USH2A: variants seen among roughly 807,000 people sequenced by gnomAD.
USH2A encodes the protein usherin.
Under a neutral mutation model 538.9 loss-of-function variants are expected in USH2A, and 443 were observed. The ratio of observed to expected loss-of-function variants is 0.82; its 90% CI spans 0.76 to 0.89. USH2A has a LOEUF of 0.89. Among genes scored for constraint, USH2A ranks in the 40% least tolerant of loss-of-function variants. USH2A has a pLI of 0.00. For synonymous variants in USH2A, 2,413 were observed against 2,273.5 expected (o/e 1.06, Z -1.75); for missense variants, 6,633 against 6,324.8 (o/e 1.05, Z -1.65).
chr1:216,393,180 G>T (rs780780787), intron 3 of USH2A, among the ~76,000 whole-genome samples: 6 of 152,134 alleles, frequency 3.9e-5, no homozygotes, highest in Non-Finnish European at 1.5e-5. Context: ...TTTTACACAT[G>T]ATCTTCCATG....
intron 15 of USH2A, among the ~76,000 whole-genome samples, chr1:216,215,693 C>A (rs1045491369): frequency 1.1e-4 from 16 of 152,098 alleles, no homozygotes; most frequent in Middle Eastern, 3.4e-3. Context: ...CAGCAACAAC[C>A]ACAAGAGTTG....
chr1:216,321,846 T>G, intron 9 of USH2A, 37 bp downstream of exon 9: 2 of 1,557,730 alleles, frequency 1.3e-6, no homozygotes, highest in Non-Finnish European at 1.8e-6. Context: ...TCTCTACTAT[T>G]TTTTTTTTAG....
chr1:215,934,530 C>G, intron 38 of USH2A, 86 bp downstream of exon 38: 3 of 1,376,052 alleles, frequency 2.2e-6, no homozygotes, highest in Non-Finnish European at 2.0e-6. Context: ...AATAAAATAC[C>G]TCTAAAAATA....
At chr1:215,920,916 C>T (rs1051315945) in intron 38 of USH2A, among the ~76,000 whole-genome samples, 2 of 151,950 alleles carry the variant, frequency 1.3e-5, no homozygotes, top group Non-Finnish European at 2.9e-5. Context: ...AACAATTTTC[C>T]CACATACTCA....
At position 216,200,133 on chromosome 1, in the gene USH2A, AG is replaced by A; in HGVS notation, c.3317-13del. ...GAAGTATTGAATACCTGAAATGAAA[AG>A]AAAAAAAAAAAACAAAGTTACATTT... On this transcript the variant is annotated splice_polypyrimidine_tract_variant and intron_variant, in intron 16 of 71. Coordinates refer to ENST00000307340, the MANE Select transcript of USH2A (RefSeq NM_206933.4). 3.1e-6 allele frequency: 5 copies of A among 1,604,752 alleles called. No homozygotes were observed. The highest frequency in any genetic ancestry group is 2.5e-6 in the Non-Finnish European group (3 of 1,177,280).
At chr1:215,803,216 C>T (rs150614575) in intron 49 of USH2A, among the ~76,000 whole-genome samples, 7,008 of 152,164 alleles carry the variant, frequency 0.046, 282 homozygotes, top group South Asian at 0.14. Context: ...CCTTTGAAAA[C>T]GGGCACAAGA....
At chr1:215,866,868 T>C (rs552943920) in intron 44 of USH2A, 139 bp downstream of exon 44, 3 of 1,192,652 alleles carry the variant, frequency 2.5e-6, no homozygotes, top group African/African-American at 3.0e-5. Flanking sequence ...GACAGCCCTG[T>C]CAATCTGCAA....
rs1316530811 is a variant in USH2A, at chr1:215,839,178, G to A, written c.9259-1075C>T. The stretch of plus-strand genomic sequence containing the variant: ...AAACACTATCAAGGGCCTACATTCT[G>A]AGCATGTCCAATTAAATCTGAAATA... On this transcript the variant is annotated intron_variant, in intron 46 of 71. Transcript: ENST00000307340. Among the ~76,000 whole-genome samples the A allele has an allele frequency of 5.9e-5, 9 of 152,200 alleles. No homozygotes were observed. In the East Asian group the frequency reaches 1.3e-3, roughly 23 times the overall value.
intron 61 of USH2A, among the ~76,000 whole-genome samples, chr1:215,687,797 T>C (rs939519464): frequency 6.6e-6 from 1 of 152,066 alleles, no homozygotes; most frequent in Non-Finnish European, 1.5e-5. Flanking sequence ...ATTTGGGCCA[T>C]AGCTTTAGAT....
rs181815959 is a variant in USH2A at position 216,013,992 on chromosome 1, C to T, written c.6326-13430G>A. 8.5e-5 allele frequency among the ~76,000 whole-genome samples: 13 copies of T among 152,186 alleles called. No individual in the cohort carries two copies. The East Asian group carries it at 2.3e-3, about 27-fold the overall frequency. ...TTTGAGTTCCAAGTTGTTTTTATGC[C>T]TGTACTGTCCATCCCAAAGTGGATT... On this transcript the variant is annotated intron_variant, in intron 32 of 71. Coordinates refer to ENST00000307340, the MANE Select transcript of USH2A (RefSeq NM_206933.4).
chr1:215,689,360 C>T (rs900514287), intron 61 of USH2A, among the ~76,000 whole-genome samples: 1 of 152,196 alleles, frequency 6.6e-6, no homozygotes, highest in Admixed American at 6.5e-5. Context: ...CATATGATCT[C>T]TTGATTTTCC....
chr1:216,358,277 T>C (rs1248409621), intron 4 of USH2A, among the ~76,000 whole-genome samples: 1 of 152,128 alleles, frequency 6.6e-6, no homozygotes, highest in Non-Finnish European at 1.5e-5. Flanking sequence ...ACAGAAAAGA[T>C]CCATCTTGAT....
intron 9 of USH2A, among the ~76,000 whole-genome samples, chr1:216,311,144 G>C (rs1177489172): frequency 6.6e-6 from 1 of 152,160 alleles, no homozygotes; most frequent in Non-Finnish European, 1.5e-5. Context: ...TGTCTGCATT[G>C]GTCAAGTTAC....
chr1:216,239,703 T>A (rs774677466), intron 13 of USH2A, among the ~76,000 whole-genome samples: 27 of 152,076 alleles, frequency 1.8e-4, no homozygotes, highest in Non-Finnish European at 1.0e-4. Flanking sequence ...TGAGAAGTGA[T>A]GGAAGAAAGA....
At chr1:215,936,054 C>T (rs954409303) in intron 37 of USH2A, among the ~76,000 whole-genome samples, 2 of 151,774 alleles carry the variant, frequency 1.3e-5, no homozygotes, top group African/African-American at 4.8e-5. Context: ...TCTAAAAGAG[C>T]ACCAATATTT....
chr1:215,837,360 C>T (rs1361636721), intron 47 of USH2A, among the ~76,000 whole-genome samples: 1 of 152,014 alleles, frequency 6.6e-6, no homozygotes, highest in Non-Finnish European at 1.5e-5. Flanking sequence ...CTTTTCCCAG[C>T]CTCAACTTGA....
At chr1:215,786,948 T>C in intron 51 of USH2A, 74 bp from the exon 52 acceptor site, 1 of 1,440,168 alleles carries the variant, frequency 6.9e-7, no homozygotes, top group East Asian at 2.3e-5. Flanking sequence ...GGGTAGGCTT[T>C]TGTGACTTTC....
At chr1:216,171,865 A>C (rs908896708) in intron 21 of USH2A, among the ~76,000 whole-genome samples, 8 of 152,144 alleles carry the variant, frequency 5.3e-5, no homozygotes, top group African/African-American at 1.9e-4. Flanking sequence ...AGTCCTCATA[A>C]TAATATACAG....
At chr1:216,364,842 A>G in intron 4 of USH2A, 111 bp downstream of exon 4, 1 of 1,383,068 alleles carries the variant, frequency 7.2e-7, no homozygotes, top group Non-Finnish European at 1.0e-6. Flanking sequence ...TTTGTTCAGT[A>G]GCCCTAGAAG....
Sources: gnomAD v4.1 joint callset for allele counts (sites outside exome capture counted in the v4.1 genomes callset) on GRCh38, gnomAD v4.1.1 for gene constraint, MANE v1.5 for transcripts, NCBI Gene and HGNC (gene_info 2026-07-23, HGNC 2026-07-21) for gene names.